The following GPATCH2L variants were observed in gnomAD, a reference collection of about 807,000 sequenced individuals.
The protein encoded by GPATCH2L is G patch domain-containing protein 2-like.
Under a neutral mutation model 57.4 loss-of-function variants are expected in GPATCH2L, and 31 were observed. The ratio of observed to expected loss-of-function variants is 0.54; its 90% confidence interval spans 0.41 to 0.73. The LOEUF (loss-of-function observed/expected upper bound fraction) is 0.73. Ranked by LOEUF, GPATCH2L falls within the 30% of genes least tolerant of loss-of-function variation. The pLI is 0.00. For synonymous variants in GPATCH2L, 199 were observed against 210.7 expected (o/e 0.94, Z 0.48); for missense variants, 481 against 599.9 (o/e 0.80, Z 2.07).
intron 2 of GPATCH2L, among the ~76,000 whole-genome samples, chr14:76,161,191 T>C (rs1045820640): frequency 2.8e-4 from 42 of 152,152 alleles, no homozygotes; most frequent in African/African-American, 9.9e-4. Context: ...AGAACAAAAA[T>C]ACCTTTGGGC....
chr14:76,201,599 A>C (rs55861294), intron 9 of GPATCH2L, 92 bp from the exon 10 acceptor site: 25,145 of 1,006,592 alleles, frequency 0.025, 616 homozygotes, highest in East Asian at 0.13. Flanking sequence ...GGATTAAGAA[A>C]ATTTTTTTTC....
rs1203607410 is a variant in GPATCH2L at position 76,207,010 on chromosome 14, A to G, written c.*5159A>G. The G allele has an allele frequency of 6.6e-6, 1 of 152,200 alleles. No homozygotes were observed. The highest frequency in any genetic ancestry group is 1.5e-5 in the Non-Finnish European group (1 of 68,036). 9.4% of individuals were successfully genotyped at this position (152,200 alleles called of 1,614,324 possible). A position where few individuals can be genotyped will look rare whatever the true frequency, so the allele number is the denominator to read the frequency against. ...AAGGGCTATGTTTAGGTGGATGGAA[A>G]TAACCTTTTGAAAATGGATAAAGCC... On this transcript the variant is annotated 3_prime_UTR_variant, in exon 10 of 10. Transcript: ENST00000261530.
chr14:76,181,695 C>A (rs1439645738), intron 8 of GPATCH2L, among the ~76,000 whole-genome samples: 1 of 152,036 alleles, frequency 6.6e-6, no homozygotes, highest in Non-Finnish European at 1.5e-5. Flanking sequence ...AATATAAATT[C>A]TTTTAGGTGA....
intron 3 of GPATCH2L, among the ~76,000 whole-genome samples, chr14:76,170,884 T>G (rs1195689105): frequency 6.6e-6 from 1 of 152,238 alleles, no homozygotes; most frequent in Non-Finnish European, 1.5e-5. Context: ...CATTGTTTAC[T>G]AAATTGACCT....
In GPATCH2L at chr14:76,209,342, G is replaced by A. The variant is rs934431782; in HGVS notation, c.*7491G>A. On this transcript the variant is annotated 3_prime_UTR_variant, in exon 10 of 10. Coordinates refer to ENST00000261530, the MANE Select transcript of GPATCH2L (RefSeq NM_017926.4). The stretch of plus-strand genomic sequence containing the variant: ...CAACTTAAAAGCACAGATTAGAGTG[G>A]AGCATTCACATTTATTACTGCAGGC... 2 of 152,178 alleles carry A rather than the reference G, an allele frequency of 1.3e-5. No individual in the cohort carries two copies. The highest frequency in any genetic ancestry group is 4.8e-5 in the African/African-American group (2 of 41,430). 9.4% of individuals were successfully genotyped at this position (152,178 alleles called of 1,614,324 possible). A position where few individuals can be genotyped will look rare whatever the true frequency, so the allele number is the denominator to read the frequency against.
chr14:76,199,275 T>C (rs887157776), intron 9 of GPATCH2L, among the ~76,000 whole-genome samples: 1 of 152,210 alleles, frequency 6.6e-6, no homozygotes. Flanking sequence ...TTATCGTTTG[T>C]CATTCTTTTG....
intron 8 of GPATCH2L, among the ~76,000 whole-genome samples, chr14:76,187,040 T>A (rs1245239210): frequency 1.3e-5 from 2 of 151,944 alleles, no homozygotes; most frequent in African/African-American, 4.8e-5. Context: ...TTTTTTTTCT[T>A]TTCTTCCTAT....
chr14:76,201,752 T>C lies in GPATCH2L; in HGVS notation c.1350T>C (p.Ser450=). The C allele has an allele frequency of 6.2e-7, 1 of 1,614,002 alleles. No individual in the cohort carries two copies. Among genetic ancestry groups the C allele is most frequent in the South Asian group, 1.1e-5 (1 of 91,082 alleles). ...PASQAPKSPS[S]EWLVRTSAAE... is the part of the protein sequence containing the mutation. ...CACAAGCCCCCAAATCACCCAGCTC[T>C]GAGTGGTTGGTGAGGACCTCTGCAG... Residue 450 remains serine (S), a synonymous_variant, in exon 10 of 10, where the codon TCT becomes TCC. Coordinates refer to ENST00000261530, the MANE Select transcript of GPATCH2L (RefSeq NM_017926.4).
intron 8 of GPATCH2L, among the ~76,000 whole-genome samples, chr14:76,184,210 A>T (rs1174503210): frequency 6.6e-6 from 1 of 152,092 alleles, no homozygotes; most frequent in Non-Finnish European, 1.5e-5. Context: ...TTTCCTCTTC[A>T]TCATGGAATT....
In GPATCH2L at chr14:76,154,933, T is replaced by C. The variant is rs1163616617; in HGVS notation, c.570T>C (p.Asn190=). ...SGHGLCESAE[N]RTFLSKTGRK... Reference sequence around the variant, plus strand: ...ACGGATTGTGTGAATCAGCAGAAAATAGGACTTTCCTAAGCAAAACAGGAA... The same window carrying C: ...ACGGATTGTGTGAATCAGCAGAAAACAGGACTTTCCTAAGCAAAACAGGAA... The change falls in exon 2 of 10, where the codon AAT becomes AAC. Residue 190 remains asparagine (N), a synonymous_variant. Transcript: ENST00000261530. This position sits in a 1 kb window ranked among gnomAD's most constrained non-coding sequence, Gnocchi z 4.4. 2 of 1,613,846 alleles carry C rather than the reference T, an allele frequency of 1.2e-6. No individual in the cohort carries two copies. Among genetic ancestry groups the C allele is most frequent in the African/African-American group, 2.7e-5 (2 of 74,834 alleles).
Position 76,171,858 on chromosome 14 carries a change from G to A in GPATCH2L, c.743G>A (p.Ser248Asn), listed in dbSNP as rs745563436. The change falls in exon 4 of 10, where the codon AGT becomes AAT. Residue 248 changes from serine (S) to asparagine (N), a missense_variant. Transcript: ENST00000261530. ...DEGRQGDDEQ[S>N]DWFYEGECVP... ...TTTACTTTAGGTGATGACGAACAGA[G>A]TGATTGGTTCTATGAAGGAGAATGT... The A allele has an allele frequency of 1.3e-6, 2 of 1,586,828 alleles. No homozygotes were observed. Among genetic ancestry groups the A allele is most frequent in the Non-Finnish European group, 1.7e-6 (2 of 1,167,082 alleles).
chr14:76,165,478 G>A (rs1194667553), intron 2 of GPATCH2L, among the ~76,000 whole-genome samples: 1 of 138,818 alleles, frequency 7.2e-6, no homozygotes, highest in African/African-American at 2.7e-5. Flanking sequence ...GGCAATGAGC[G>A]AAACTCCATC....
chr14:76,154,463 C>G lies in GPATCH2L; in HGVS notation c.100C>G (p.Gln34Glu), dbSNP rs751654579. 1.9e-6 allele frequency: 3 copies of G among 1,614,102 alleles called. No individual in the cohort carries two copies. The highest frequency in any genetic ancestry group is 1.3e-5 in the African/African-American group (1 of 74,944). The change falls in exon 2 of 10, where the codon CAG becomes GAG. Residue 34 changes from glutamine to glutamate, a missense_variant. This residue lies in a region of GPATCH2L where 208 missense variants were observed against 272.4 expected (regional missense o/e 0.76). Coordinates refer to ENST00000261530, the MANE Select transcript of GPATCH2L (RefSeq NM_017926.4). The surrounding 1 kb of genome is among the most constrained non-coding windows in gnomAD (Gnocchi z 4.4). ...GGAGGAGATGGCGCTGAGCCCCCGA[C>G]AGCAGAGGCGGCAGCTTCGGAAACG... ...LWEEMALSPR[Q>E]QRRQLRKRRG...
intron 1 of GPATCH2L, among the ~76,000 whole-genome samples, chr14:76,225,504 A>G (rs1323132378): frequency 6.6e-6 from 1 of 152,204 alleles, no homozygotes; most frequent in African/African-American, 2.4e-5. Flanking sequence ...AGTAAATATT[A>G]TGGTTAAAAA....
In GPATCH2L at chr14:76,156,036, C is replaced by G. The variant is rs188980364; in HGVS notation, c.662+1011C>G. The stretch of plus-strand genomic sequence containing the variant: ...CTGTACTATGGACTTAGCATATACT[C>G]TTATTTAATGTTCACAATTCCACTA... On this transcript the variant is annotated intron_variant, in intron 2 of 9. Coordinates refer to ENST00000261530, the MANE Select transcript of GPATCH2L (RefSeq NM_017926.4). Among the ~76,000 whole-genome samples, 51 of 152,262 alleles carry G rather than the reference C, an allele frequency of 3.3e-4. No individual in the cohort carries two copies. The East Asian group carries it at 9.3e-3, about 28-fold the overall frequency.
rs998512707 is a variant in GPATCH2L at position 76,212,621 on chromosome 14, T to C, written c.*10770T>C. ...GATAAAAAACTAGGACATGGGATGA[T>C]TTAAATAAGATACAGAAGATCTAGT... is the stretch of plus-strand genomic sequence containing the variant. On this transcript the variant is annotated 3_prime_UTR_variant, in exon 10 of 10. Coordinates refer to ENST00000261530, the MANE Select transcript of GPATCH2L (RefSeq NM_017926.4). The C allele has an allele frequency of 1.7e-4, 26 of 152,188 alleles. No individual in the cohort carries two copies. Among genetic ancestry groups the C allele is most frequent in the African/African-American group, 6.0e-4 (25 of 41,458 alleles). 9.4% of individuals were successfully genotyped at this position (152,188 alleles called of 1,614,324 possible). A position where few individuals can be genotyped will look rare whatever the true frequency, so the allele number is the denominator to read the frequency against.
At chr14:76,159,421 C>G (rs919283786) in intron 2 of GPATCH2L, among the ~76,000 whole-genome samples, 1 of 152,140 alleles carries the variant, frequency 6.6e-6, no homozygotes, top group African/African-American at 2.4e-5. Context: ...ATAGATTACC[C>G]TTGGTCCCCT....
intron 8 of GPATCH2L, among the ~76,000 whole-genome samples, chr14:76,182,842 G>A (rs1314195053): frequency 1.3e-5 from 2 of 152,214 alleles, no homozygotes; most frequent in Non-Finnish European, 2.9e-5. Flanking sequence ...GGCCCCTAAT[G>A]TCAAGGCTCA....
At position 76,210,527 on chromosome 14, in the gene GPATCH2L, C is replaced by T. The variant is rs563456043; in HGVS notation, c.*8676C>T. 4 of 152,262 alleles carry T rather than the reference C, an allele frequency of 2.6e-5. No individual in the cohort carries two copies. The South Asian group carries it at 8.3e-4, about 32-fold the overall frequency. 9.4% of individuals were successfully genotyped at this position (152,262 alleles called of 1,614,324 possible). On this transcript the variant is annotated 3_prime_UTR_variant, in exon 10 of 10. Transcript: ENST00000261530. Reference sequence around the variant, plus strand: ...CCAGGCAACTGTGAATGGGCTCATCCCTTCTCTGTGCGTACATGATTGAAA... The same window carrying T: ...CCAGGCAACTGTGAATGGGCTCATCTCTTCTCTGTGCGTACATGATTGAAA...
Sources: allele counts gnomAD v4.1 joint callset (sites outside exome capture counted in the v4.1 genomes callset), GRCh38; gene constraint gnomAD v4.1.1; regional missense constraint gnomAD v4.1.1; non-coding constraint Gnocchi (gnomAD v3.1); transcripts MANE v1.5; gene names NCBI Gene and HGNC (gene_info 2026-07-23, HGNC 2026-07-21).